The following ROR1 variants were observed in gnomAD, a reference collection of about 807,000 sequenced individuals.
ROR1 encodes ROR family WNT receptor 1.
In ROR1, 19 loss-of-function variants were observed where a neutral mutation model predicts 78.8. That is an observed-to-expected ratio of 0.24 (90% CI 0.17 to 0.35). The LOEUF is 0.35. ROR1 is among the 10% of genes least tolerant of loss of function. ROR1 has a pLI of 1.00. For synonymous variants in ROR1, 386 were observed against 433.6 expected (o/e 0.89, Z 1.36); for missense variants, 917 against 1,177.8 (o/e 0.78, Z 3.24).
In ROR1 at chr1:64,046,325, T is replaced by C. The variant is rs376065534; in HGVS notation, c.164-3366T>C. ...TGCTTACTAAGTAAGCAGCTACAGATGGCCAACAAATTTGAAACTTCTTCT... is the reference window on the plus strand; with the variant it reads ...TGCTTACTAAGTAAGCAGCTACAGACGGCCAACAAATTTGAAACTTCTTCT... On this transcript the variant is annotated intron_variant, in intron 2 of 8. Coordinates refer to ENST00000371079, the MANE Select transcript of ROR1 (RefSeq NM_005012.4). Among the ~76,000 whole-genome samples the C allele has an allele frequency of 3.3e-5, 5 of 152,182 alleles. No homozygotes were observed. In the East Asian group the frequency reaches 9.6e-4, roughly 29 times the overall value.
intron 7 of ROR1, among the ~76,000 whole-genome samples, chr1:64,149,561 C>T (rs1016480581): frequency 6.6e-6 from 1 of 152,068 alleles, no homozygotes; most frequent in South Asian, 2.1e-4. Flanking sequence ...TAGATTAGCT[C>T]CCCAGCAGCT....
At chr1:64,003,692 C>CTCA (rs72500995) in intron 1 of ROR1, among the ~76,000 whole-genome samples, 23 of 152,084 alleles carry the variant, frequency 1.5e-4, no homozygotes, top group Non-Finnish European at 3.2e-4. Flanking sequence ...GTTGACTGAC[C>CTCA]TTGCACTACT....
chr1:63,878,840 A>G (rs1404446421), intron 1 of ROR1, among the ~76,000 whole-genome samples: 1 of 152,106 alleles, frequency 6.6e-6, no homozygotes, highest in East Asian at 1.9e-4. Context: ...TCTCCCTCAC[A>G]AGGCTGCAAA....
In ROR1 at chr1:63,774,467, T is replaced by C; in HGVS notation, c.50T>C (p.Leu17Pro). The C allele has an allele frequency of 8.6e-7, 1 of 1,166,410 alleles. No homozygotes were observed. Among genetic ancestry groups the C allele is most frequent in the Non-Finnish European group, 1.1e-6 (1 of 951,020 alleles). 72.3% of individuals were successfully genotyped at this position (1,166,410 alleles called of 1,614,324 possible). A position where few individuals can be genotyped will look rare whatever the true frequency, so the allele number is the denominator to read the frequency against. Residue 17 changes from leucine to proline, a missense_variant, in exon 1 of 9, where the codon CTG becomes CCG. By Grantham distance (98) the Leu-to-Pro change is moderately conservative. This residue lies in a region of ROR1 where 63 missense variants were observed against 57.0 expected (regional missense o/e 1.10). Coordinates refer to ENST00000371079, the MANE Select transcript of ROR1 (RefSeq NM_005012.4). This position sits in a 1 kb window ranked among gnomAD's most constrained non-coding sequence, Gnocchi z 5.7. ...ACGCGCCCGCCGCTCCTGGCGCTGCTGGCCGCGCTGCTGCTGGCCGCACGC... is the reference window on the plus strand; with the variant it reads ...ACGCGCCCGCCGCTCCTGGCGCTGCCGGCCGCGCTGCTGCTGGCCGCACGC... The part of the protein sequence containing the change: ...RGTRPPLLAL[L>P]AALLLAARGA...
intron 1 of ROR1, among the ~76,000 whole-genome samples, chr1:63,911,207 T>A (rs781782176): frequency 2.2e-4 from 33 of 152,160 alleles, no homozygotes; most frequent in Non-Finnish European, 4.1e-4. Flanking sequence ...ACCTCGACTA[T>A]TACTCATTTC....
At chr1:64,089,280 G>A (rs1285866759) in intron 4 of ROR1, among the ~76,000 whole-genome samples, 1 of 151,888 alleles carries the variant, frequency 6.6e-6, no homozygotes, top group Non-Finnish European at 1.5e-5. Context: ...CATAATCATG[G>A]CTCACTGCAG....
Position 63,892,280 on chromosome 1 carries a change from C to T in ROR1, c.92-117025C>T, listed in dbSNP as rs183263786. ...ATGTGTACGGGGGAGCTGGGCACTT[C>T]GCTGCATCTGGGAGGGCAGAGGAGG... On this transcript the variant is annotated intron_variant, in intron 1 of 8. Coordinates refer to ENST00000371079, the MANE Select transcript of ROR1 (RefSeq NM_005012.4). 1.1e-4 allele frequency among the ~76,000 whole-genome samples: 16 copies of T among 152,210 alleles called. No individual in the cohort carries two copies. The East Asian group carries it at 2.7e-3, about 26-fold the overall frequency.
intron 1 of ROR1, among the ~76,000 whole-genome samples, chr1:63,921,532 C>CA (rs1645654389): frequency 2.6e-5 from 4 of 152,136 alleles, no homozygotes; most frequent in African/African-American, 9.7e-5. Flanking sequence ...GTTGTTGTCG[C>CA]TACCATGTGC....
At chr1:64,013,342 A>G (rs189660452) in intron 2 of ROR1, among the ~76,000 whole-genome samples, 438 of 152,252 alleles carry the variant, frequency 2.9e-3, no homozygotes, top group Middle Eastern at 0.017. Flanking sequence ...CAAGTGACAT[A>G]CTTCTTAGCT....
intron 1 of ROR1, among the ~76,000 whole-genome samples, chr1:63,977,876 A>G (rs1001353301): frequency 6.6e-6 from 1 of 152,210 alleles, no homozygotes; most frequent in African/African-American, 2.4e-5. Flanking sequence ...TTTTTTGTAG[A>G]AGGAAAATAT....
intron 8 of ROR1, chr1:64,171,113 A>G (rs566693307): frequency 1.6e-4 from 27 of 170,814 alleles, no homozygotes; most frequent in Non-Finnish European, 2.9e-4. Flanking sequence ...GCAGCACCCC[A>G]CTCTACTGGT....
intron 1 of ROR1, among the ~76,000 whole-genome samples, chr1:63,927,790 T>C (rs1645717569): frequency 6.6e-6 from 1 of 152,128 alleles, no homozygotes; most frequent in Non-Finnish European, 1.5e-5. Flanking sequence ...GAATTTAAGT[T>C]TCAGGACATT....
At chr1:64,113,441 T>C (rs1306227803) in intron 4 of ROR1, among the ~76,000 whole-genome samples, 1 of 152,164 alleles carries the variant, frequency 6.6e-6, no homozygotes, top group Non-Finnish European at 1.5e-5. Flanking sequence ...TTAGCCCCAT[T>C]GTACAGATGA....
Position 64,042,214 on chromosome 1 carries a change from T to C in ROR1, c.164-7477T>C, listed in dbSNP as rs115083404. On this transcript the variant is annotated intron_variant, in intron 2 of 8. Transcript: ENST00000371079. ...GGAGAAGGGCTTTTAAAAATGCTCA[T>C]GTCTGGATTCCATCCTCGAACAATT... Among the ~76,000 whole-genome samples the C allele has an allele frequency of 3.8e-3, 584 of 152,310 alleles. 7 individuals carry two copies. The highest frequency in any genetic ancestry group is 0.013 in the African/African-American group (556 of 41,560).
At chr1:63,840,284 T>G (rs1377787575) in intron 1 of ROR1, among the ~76,000 whole-genome samples, 1 of 150,948 alleles carries the variant, frequency 6.6e-6, no homozygotes, top group Admixed American at 6.6e-5. Flanking sequence ...TCGTTTAGTT[T>G]TTTTTTTTTT....
chr1:63,911,324 A>G (rs562966959), intron 1 of ROR1, among the ~76,000 whole-genome samples: 1 of 152,172 alleles, frequency 6.6e-6, no homozygotes, highest in Admixed American at 6.5e-5. Context: ...ATGATACTCT[A>G]TCCGTTAGTA....
intron 1 of ROR1, among the ~76,000 whole-genome samples, chr1:63,990,043 A>G (rs1646282864): frequency 6.6e-6 from 1 of 152,160 alleles, no homozygotes; most frequent in African/African-American, 2.4e-5. Context: ...CAGCTCCTTA[A>G]GAGAGACCAA....
At chr1:63,865,093 C>T (rs1409877349) in intron 1 of ROR1, among the ~76,000 whole-genome samples, 1 of 152,102 alleles carries the variant, frequency 6.6e-6, no homozygotes, top group African/African-American at 2.4e-5. Flanking sequence ...CACAAACATA[C>T]ATATACATTT....
intron 1 of ROR1, among the ~76,000 whole-genome samples, chr1:63,813,185 T>C (rs960727450): frequency 3.3e-5 from 5 of 152,204 alleles, no homozygotes; most frequent in Admixed American, 2.6e-4. Context: ...TTCAGCTCAG[T>C]GTGCTTCATG....
Sources: gnomAD v4.1 joint callset for allele counts (sites outside exome capture counted in the v4.1 genomes callset) on GRCh38, gnomAD v4.1.1 for gene constraint, gnomAD v4.1.1 regional missense constraint, Gnocchi (gnomAD v3.1) non-coding constraint, MANE v1.5 for transcripts, NCBI Gene and HGNC (gene_info 2026-07-23, HGNC 2026-07-21) for gene names.